The following PLAAT1 variants were observed in gnomAD, a reference collection of about 807,000 sequenced individuals.
The protein encoded by PLAAT1 is phospholipase A and acyltransferase 1.
A neutral mutation model predicts 16.4 loss-of-function variants in PLAAT1; 13 were observed. The ratio of observed to expected loss-of-function variants is 0.79; its 90% confidence interval spans 0.52 to 1.26. PLAAT1 has a LOEUF of 1.26. PLAAT1 is among the 50% of genes most tolerant of loss of function. The pLI, the probability that PLAAT1 is intolerant of heterozygous loss-of-function variation, is 0.00. For synonymous variants in PLAAT1, 73 were observed against 78.4 expected, an observed-to-expected ratio of 0.93 and a Z score of 0.36; for missense variants, 218 against 207.8, an observed-to-expected ratio of 1.05 and a Z score of -0.30.
At chr3:193,276,880 A>T (rs1399940302) in intron 2 of PLAAT1, 2 of 1,255,562 alleles carry the variant, frequency 1.6e-6, no homozygotes, top group African/African-American at 1.5e-5. Flanking sequence ...TCACACTTTG[A>T]AAAAAGACCA....
chr3:193,264,839 T>G (rs1185834040), intron 3 of PLAAT1, among the ~76,000 whole-genome samples: 1 of 152,228 alleles, frequency 6.6e-6, no homozygotes, highest in African/African-American at 2.4e-5. Flanking sequence ...AATTGGATTA[T>G]TTGCCTTTTT....
At chr3:193,258,743 A>G (rs1285348308) in intron 2 of PLAAT1, among the ~76,000 whole-genome samples, 2 of 152,078 alleles carry the variant, frequency 1.3e-5, no homozygotes, top group Non-Finnish European at 1.5e-5. Context: ...CCAAAATTGA[A>G]TCAGTAACAA....
At chr3:193,278,043 A>T (rs546830032), downstream of PLAAT1, among the ~76,000 whole-genome samples, 1 of 152,166 alleles carries the variant, frequency 6.6e-6, no homozygotes, top group South Asian at 2.1e-4. Flanking sequence ...ACCTCAAGTG[A>T]TCCACCCGCC....
At position 193,253,456 on chromosome 3, in the gene PLAAT1, C is replaced by CTA. The variant is rs1716265954; in HGVS notation, c.1-2195_1-2194insTA. 2.0e-5 allele frequency among the ~76,000 whole-genome samples: 3 copies of CTA among 152,318 alleles called. No homozygotes were observed. In the South Asian group the frequency reaches 6.2e-4, roughly 32 times the overall value. On this transcript the variant is annotated intron_variant, in intron 1 of 3. Transcript: ENST00000264735. ...GTACCAATCTCAATGTCTCTCTTAT[C>CTA]ATCCACCTGTCTGGCTCTTGCCAAT...
At chr3:193,252,899 G>A (rs1473850788) in intron 1 of PLAAT1, among the ~76,000 whole-genome samples, 1 of 151,816 alleles carries the variant, frequency 6.6e-6, no homozygotes, top group Non-Finnish European at 1.5e-5. Flanking sequence ...GGACTAGATG[G>A]GTATCATTTA....
rs1358200786 is a variant in PLAAT1 at position 193,270,713 on chromosome 3, C to T, written c.*8C>T. The T allele has an allele frequency of 6.2e-7, 1 of 1,609,148 alleles. No homozygotes were observed. Among genetic ancestry groups the T allele is most frequent in the Non-Finnish European group, 8.5e-7 (1 of 1,177,576 alleles). On this transcript the variant is annotated 3_prime_UTR_variant, in exon 4 of 4. Coordinates refer to ENST00000264735, the MANE Select transcript of PLAAT1 (RefSeq NM_020386.5). ...AGAGCAAAATACTATTAACAATTTA[C>T]CAAAGAGATATTGATATTGAAGGAA...
At chr3:193,278,540 C>A (rs1239591182), downstream of PLAAT1, among the ~76,000 whole-genome samples, 1 of 152,158 alleles carries the variant, frequency 6.6e-6, no homozygotes, top group Non-Finnish European at 1.5e-5. Flanking sequence ...ATTTGCATTT[C>A]TAAAACAAAA....
chr3:193,260,947 A>G (rs1716562447), intron 2 of PLAAT1, among the ~76,000 whole-genome samples: 1 of 152,254 alleles, frequency 6.6e-6, no homozygotes, highest in African/African-American at 2.4e-5. Flanking sequence ...AATCAGTCTT[A>G]TTCAAAATAT....
upstream of PLAAT1, among the ~76,000 whole-genome samples, chr3:193,240,637 CTGTGCTGGCTATCTGGCGTG>C (rs1715678289): frequency 9.7e-6 from 1 of 103,340 alleles, no homozygotes; most frequent in South Asian, 3.1e-4. Context: ...GTCTGGAGGT[CTGTGCTGGCTATCTGGCGTG>C]TGTGTGTGTG....
intron 2 of PLAAT1, among the ~76,000 whole-genome samples, chr3:193,275,987 A>G (rs1040268479): frequency 4.6e-5 from 7 of 152,178 alleles, no homozygotes; most frequent in African/African-American, 1.7e-4. Context: ...CAGCATCTCA[A>G]CAACACTTAA....
downstream of PLAAT1, among the ~76,000 whole-genome samples, chr3:193,273,724 G>T (rs542922160): frequency 1.9e-4 from 29 of 152,228 alleles, no homozygotes; most frequent in African/African-American, 6.7e-4. Context: ...TATGGTGAGG[G>T]TGATATATAA....
intron 1 of PLAAT1, among the ~76,000 whole-genome samples, chr3:193,250,078 T>G (rs530860781): frequency 1.6e-3 from 249 of 152,318 alleles, no homozygotes; most frequent in Non-Finnish European, 3.2e-3. Context: ...TTTCTGCACA[T>G]TAGATAAAAG....
intron 3 of PLAAT1, among the ~76,000 whole-genome samples, chr3:193,264,403 G>A (rs901892293): frequency 5.3e-5 from 8 of 152,108 alleles, no homozygotes; most frequent in African/African-American, 1.9e-4. Context: ...ATGATGTTGG[G>A]CATCAATTTA....
chr3:193,246,797 G>A (rs1350244391), intron 1 of PLAAT1, among the ~76,000 whole-genome samples: 1 of 152,226 alleles, frequency 6.6e-6, no homozygotes, highest in Non-Finnish European at 1.5e-5. Flanking sequence ...TTGCATTTGT[G>A]TTCATCAGGG....
downstream of PLAAT1, among the ~76,000 whole-genome samples, chr3:193,274,540 A>T (rs148745953): frequency 2.2e-4 from 34 of 152,208 alleles, no homozygotes; most frequent in Non-Finnish European, 4.6e-4. Flanking sequence ...GAAAGGGTTG[A>T]ATTTCTGAAG....
At chr3:193,277,706 T>C (rs1717288186) in exon 3 of PLAAT1, 1 of 152,268 alleles carries the variant, frequency 6.6e-6, no homozygotes, top group South Asian at 2.1e-4. Context: ...AAGGGTTGTT[T>C]GGAAAAGCTG....
downstream of PLAAT1, chr3:193,281,057 T>C (rs1444080893): frequency 3.6e-6 from 1 of 274,594 alleles, no homozygotes; most frequent in Non-Finnish European, 5.5e-6. Context: ...ATGCAGCACG[T>C]CTCAGAAGTG....
downstream of PLAAT1, chr3:193,281,092 G>A (rs1484198295): frequency 4.4e-6 from 3 of 684,402 alleles, no homozygotes; most frequent in Admixed American, 6.3e-5. Flanking sequence ...GAGGCAGACA[G>A]AAGAAAAGTA....
intron 1 of PLAAT1, among the ~76,000 whole-genome samples, chr3:193,255,418 G>A (rs1406213612): frequency 6.6e-6 from 1 of 152,088 alleles, no homozygotes; most frequent in Non-Finnish European, 1.5e-5. Context: ...GGGATGAGAA[G>A]CATTACTATA....
Sources: allele counts gnomAD v4.1 joint callset (sites outside exome capture counted in the v4.1 genomes callset), GRCh38; gene constraint gnomAD v4.1.1; transcripts MANE v1.5; gene names NCBI Gene and HGNC (gene_info 2026-07-23, HGNC 2026-07-21).